The following SMIM8 variants were observed in gnomAD, a reference collection of about 807,000 sequenced individuals.
SMIM8 encodes the protein UPF0708 protein C6orf162.
In SMIM8, 8 loss-of-function variants were observed where a neutral mutation model predicts 8.1. That is an observed-to-expected ratio of 0.99 (90% CI 0.58 to 1.78). The LOEUF is 1.78. Among genes scored for constraint, SMIM8 ranks in the 40% most tolerant of loss-of-function variants. SMIM8 has a pLI of 0.00. For missense variants in SMIM8, 126 were observed against 119.8 expected (o/e 1.05, Z -0.24); for synonymous variants, 45 against 39.7 (o/e 1.13, Z -0.50).
chr6:87,328,921 C>G (rs143115787), intron 1 of SMIM8, among the ~76,000 whole-genome samples: 2 of 152,342 alleles, frequency 1.3e-5, no homozygotes, highest in African/African-American at 4.8e-5. Flanking sequence ...GGGCGTAGGA[C>G]CCTCCGAACC....
chr6:87,340,475 G>A lies in SMIM8; in HGVS notation c.*201G>A, dbSNP rs1014183656. 3.4e-5 allele frequency: 13 copies of A among 378,766 alleles called. No homozygotes were observed. The highest frequency in any genetic ancestry group is 2.5e-4 in the African/African-American group (12 of 48,068). The allele number at this position is 378,766 out of a possible 1,614,324, so 23.5% of individuals were successfully genotyped here. A position where few individuals can be genotyped will look rare whatever the true frequency, so the allele number is the denominator to read the frequency against. On this transcript the variant is annotated 3_prime_UTR_variant, in exon 4 of 4. Transcript: ENST00000392863. ...ATCTCATTCTTTTTCCACAGAGTGA[G>A]CGTCATAATATTTTTCTTTCCTTAC...
intron 2 of SMIM8, among the ~76,000 whole-genome samples, chr6:87,332,239 C>T (rs1410730016): frequency 2.0e-5 from 3 of 151,128 alleles, no homozygotes; most frequent in Non-Finnish European, 4.4e-5. Flanking sequence ...ATCACTGCAT[C>T]CATTTAATTT....
chr6:87,325,175 A>AT (rs1776786267), intron 1 of SMIM8, among the ~76,000 whole-genome samples: 1 of 152,146 alleles, frequency 6.6e-6, no homozygotes. Context: ...GGCTGAGACA[A>AT]TGGGGTTTTC....
chr6:87,332,466 A>C (rs953380368), intron 2 of SMIM8, among the ~76,000 whole-genome samples: 2 of 149,016 alleles, frequency 1.3e-5, no homozygotes, highest in Non-Finnish European at 3.0e-5. Flanking sequence ...GAGTGGAGTA[A>C]TAATAATATA....
intron 2 of SMIM8, among the ~76,000 whole-genome samples, chr6:87,331,625 T>C (rs1776997030): frequency 6.6e-6 from 1 of 152,250 alleles, no homozygotes; most frequent in Non-Finnish European, 1.5e-5. Context: ...TTGTTGTTTT[T>C]AAAATAGTTA....
chr6:87,328,404 T>C (rs1202502083), intron 1 of SMIM8, among the ~76,000 whole-genome samples: 1 of 152,080 alleles, frequency 6.6e-6, no homozygotes, highest in African/African-American at 2.4e-5. Context: ...TTGTCTTTGT[T>C]GATGGTGATG....
At chr6:87,332,382 C>T (rs1777015405) in intron 2 of SMIM8, among the ~76,000 whole-genome samples, 1 of 147,758 alleles carries the variant, frequency 6.8e-6, no homozygotes, top group Admixed American at 6.8e-5. Flanking sequence ...TAATGCCCTC[C>T]CTGAGGGGAT....
intron 1 of SMIM8, among the ~76,000 whole-genome samples, chr6:87,324,469 G>A (rs1490898558): frequency 1.3e-5 from 2 of 150,468 alleles, no homozygotes; most frequent in East Asian, 3.9e-4. Flanking sequence ...AAGGGATCCA[G>A]TTTCAGCTTT....
chr6:87,323,963 A>G, intron 1 of SMIM8, among the ~76,000 whole-genome samples: 1 of 151,194 alleles, frequency 6.6e-6, no homozygotes, highest in Non-Finnish European at 1.5e-5. Context: ...AATGATTGCC[A>G]TTCTAACTGC....
intron 2 of SMIM8, among the ~76,000 whole-genome samples, chr6:87,334,772 C>G (rs1441977139): frequency 6.6e-6 from 1 of 152,188 alleles, no homozygotes; most frequent in Non-Finnish European, 1.5e-5. Context: ...CTCAGTGCTT[C>G]AGAAATGTTC....
intron 1 of SMIM8, among the ~76,000 whole-genome samples, chr6:87,328,310 T>G (rs1229028893): frequency 3.9e-5 from 6 of 152,194 alleles, no homozygotes; most frequent in Non-Finnish European, 2.9e-5. Context: ...TGCGTTCCTT[T>G]GGAGGAGGAG....
chr6:87,323,325 C>T (rs938800865), intron 1 of SMIM8, among the ~76,000 whole-genome samples: 1 of 152,046 alleles, frequency 6.6e-6, no homozygotes, highest in African/African-American at 2.4e-5. Context: ...GCACAATGTG[C>T]AGGTTAGTTA....
intron 1 of SMIM8, among the ~76,000 whole-genome samples, chr6:87,325,296 A>G (rs1202291418): frequency 6.9e-6 from 1 of 145,806 alleles, no homozygotes; most frequent in Non-Finnish European, 1.5e-5. Flanking sequence ...AGAACTTCCA[A>G]CACTATGTTG....
At chr6:87,332,319 CCATATATGT>C (rs1777012149) in intron 2 of SMIM8, among the ~76,000 whole-genome samples, 1 of 97,306 alleles carries the variant, frequency 1.0e-5, no homozygotes, top group African/African-American at 4.6e-5. Context: ...TCCTCCCCCC[CCATATATGT>C]ATATATATAT....
chr6:87,330,619 C>G (rs1431742756), intron 1 of SMIM8, 73 bp from the exon 2 acceptor site: 2 of 152,054 alleles, frequency 1.3e-5, no homozygotes, highest in Non-Finnish European at 2.9e-5. Context: ...GTAAATGACT[C>G]TCATGGAGTT....
chr6:87,330,502 A>G (rs1776967912), intron 1 of SMIM8, among the ~76,000 whole-genome samples, 190 bp from the exon 2 acceptor site: 1 of 152,060 alleles, frequency 6.6e-6, no homozygotes, highest in Non-Finnish European at 1.5e-5. Context: ...AGAAGGGAAA[A>G]TCATTCAAAA....
intron 2 of SMIM8, 128 bp from the exon 3 acceptor site, chr6:87,336,881 T>A: frequency 3.3e-6 from 2 of 603,430 alleles, no homozygotes; most frequent in Non-Finnish European, 5.2e-6. Flanking sequence ...AGTAATAAGA[T>A]AACTGACAAT....
In SMIM8 at chr6:87,331,563, C is replaced by T. The variant is rs539954502; in HGVS notation, c.-24+851C>T. The stretch of plus-strand genomic sequence containing the variant: ...ACAGCTCTGTGGGCTGGCATGTGAA[C>T]AAATACAGAAGAATTTTCTCGTATG... On this transcript the variant is annotated intron_variant, in intron 2 of 3. Transcript: ENST00000392863. 4.8e-4 allele frequency among the ~76,000 whole-genome samples: 73 copies of T among 152,284 alleles called. No homozygotes were observed. In the South Asian group the frequency reaches 8.9e-3, roughly 19 times the overall value.
intron 2 of SMIM8, among the ~76,000 whole-genome samples, chr6:87,333,551 C>A (rs553927131): frequency 1.3e-5 from 2 of 152,108 alleles, no homozygotes; most frequent in Non-Finnish European, 2.9e-5. Flanking sequence ...AAATGAAACA[C>A]CAGCAGTTCT....
Sources: allele counts gnomAD v4.1 joint callset (sites outside exome capture counted in the v4.1 genomes callset), GRCh38; gene constraint gnomAD v4.1.1; transcripts MANE v1.5; gene names NCBI Gene and HGNC (gene_info 2026-07-23, HGNC 2026-07-21).